ABCA2: variants seen among roughly 807,000 people sequenced by gnomAD.
The protein encoded by ABCA2 is ATP binding cassette subfamily A member 2, also known as ATP-binding cassette sub-family A member 2.
A neutral mutation model predicts 262.8 loss-of-function variants in ABCA2; 84 were observed. The observed-to-expected ratio is 0.32, with a 90% CI of 0.27 to 0.38. The LOEUF (loss-of-function observed/expected upper bound fraction) is 0.38, where lower values mean the gene tolerates loss of function less well. Ranked by LOEUF, ABCA2 falls within the 10% of genes least tolerant of loss-of-function variation. ABCA2 has a pLI of 1.00. For synonymous variants in ABCA2, 1,696 were observed against 1,502.9 expected, an observed-to-expected ratio of 1.13 and a Z score of -2.97; for missense variants, 2,662 against 3,405.9, an observed-to-expected ratio of 0.78 and a Z score of 5.44.
chr9:137,027,898 C>A, intron 1 of ABCA2, 177 bp downstream of exon 1: 1 of 167,354 alleles, frequency 6.0e-6, no homozygotes, highest in Non-Finnish European at 1.2e-5. Context: ...CCCCGGAGGC[C>A]GCAGCGCCGG....
rs1831426592 is a variant in ABCA2, at chr9:137,020,861, C to CCCACCCGCA, written c.1089_1097dup (p.Gly365_Ala367dup). 1 of 1,542,632 alleles carries CCCACCCGCA rather than the reference C, an allele frequency of 6.5e-7. No individual in the cohort carries two copies. The highest frequency in any genetic ancestry group is 8.8e-7 in the Non-Finnish European group (1 of 1,141,936). On this transcript the variant is annotated inframe_insertion, in exon 9 of 49. Transcript: ENST00000341511. Reference sequence around the variant, plus strand: ...CCCCTGCCCCAGTGCCATTGGCCGCCCCACCCGCACCACTGGCTGGGGGTC... The same window carrying CCCACCCGCA: ...CCCCTGCCCCAGTGCCATTGGCCGCCCCACCCGCACCACCCGCACCACTGGCTGGGGGTC...
chr9:137,014,131 C>A lies in ABCA2; in HGVS notation c.4240+37G>T, dbSNP rs752351057. 6.3e-6 allele frequency: 10 copies of A among 1,595,096 alleles called. No individual in the cohort carries two copies. The African/African-American group carries it at 9.4e-5, about 15-fold the overall frequency. On this transcript the variant is annotated intron_variant, in intron 27 of 48. Transcript: ENST00000341511. Reference sequence around the variant, plus strand: ...CCGCTCCCCCGCAACCCTGCTCCCCCTCCCTTGCTGTCCCAGCCTCACCCT... The same window carrying A: ...CCGCTCCCCCGCAACCCTGCTCCCCATCCCTTGCTGTCCCAGCCTCACCCT...
At chr9:137,009,293 C>G in intron 45 of ABCA2, 77 bp downstream of exon 45, 3 of 1,339,338 alleles carry the variant, frequency 2.2e-6, no homozygotes, top group Non-Finnish European at 3.0e-6. Flanking sequence ...CCTGCAGCCA[C>G]CCCCACTCCT....
At position 137,013,924 on chromosome 9, in the gene ABCA2, C is replaced by T. The variant is rs868304427; in HGVS notation, c.4355G>A (p.Arg1452His). The T allele has an allele frequency of 6.2e-6, 10 of 1,608,284 alleles. No homozygotes were observed. The highest frequency in any genetic ancestry group is 2.2e-5 in the East Asian group (1 of 44,584). ...GLLVKRFHCARRNSKALFSQI... is the reference protein window; with the variant it reads ...GLLVKRFHCAHRNSKALFSQI... ...GGAGAAGAGTGCCTTGGAGTTGCGG[C>T]GGGCGCAGTGGAAGCGTTTGACCAG... The change falls in exon 28 of 49, where the codon CGC (arginine) becomes CAC (histidine). Residue 1452 changes from arginine (R) to histidine (H), a missense_variant. This residue lies in a region of ABCA2 where 75 missense variants were observed against 118.3 expected (regional missense o/e 0.63). Transcript: ENST00000341511.
Position 137,011,145 on chromosome 9 carries a change from C to T in ABCA2, c.5924-40G>A, listed in dbSNP as rs752866866. The T allele has an allele frequency of 2.9e-5, 46 of 1,612,062 alleles. No homozygotes were observed. The highest frequency in any genetic ancestry group is 1.7e-4 in the Middle Eastern group (1 of 6,060). ...CTCAGGGCCTGTGCTCTGGGCCTTGCGGGGCCCCCACCGCCTTCCCCGCCC... is the reference window on the plus strand; with the variant it reads ...CTCAGGGCCTGTGCTCTGGGCCTTGTGGGGCCCCCACCGCCTTCCCCGCCC... On this transcript the variant is annotated intron_variant, in intron 38 of 48. Coordinates refer to ENST00000341511, the MANE Select transcript of ABCA2 (RefSeq NM_001606.5). The surrounding 1 kb of genome is among the most constrained non-coding windows in gnomAD (Gnocchi z 8.8).
intron 16 of ABCA2, 24 bp downstream of exon 16, chr9:137,017,763 C>T (rs1258156898): frequency 1.9e-6 from 3 of 1,611,508 alleles, no homozygotes. Flanking sequence ...CCCGCGCCTC[C>T]AGGGAGAGTC....
chr9:137,016,075 G>A lies in ABCA2; in HGVS notation c.3204C>T (p.Gly1068=), dbSNP rs2131447987. The change falls in exon 22 of 49, where the codon GGC becomes GGT. Residue 1068 remains glycine (G), a synonymous_variant. Transcript: ENST00000341511. ...TEMDEIRKNL[G]MCPQHNVLFD... ...AGAGCACATTGTGCTGCGGGCACAT[G>A]CCCAGGTTCTTGCGGATCTCATCCA... The A allele has an allele frequency of 6.2e-7, 1 of 1,612,860 alleles. No individual in the cohort carries two copies. The highest frequency in any genetic ancestry group is 8.5e-7 in the Non-Finnish European group (1 of 1,179,992).
chr9:137,009,621 G>A lies in ABCA2; in HGVS notation c.6654C>T (p.Asp2218=). The A allele has an allele frequency of 6.2e-7, 1 of 1,612,948 alleles. No homozygotes were observed. The highest frequency in any genetic ancestry group is 8.5e-7 in the Non-Finnish European group (1 of 1,179,900). The change falls in exon 44 of 49, where the codon GAC becomes GAT. Residue 2218 remains aspartate, a synonymous_variant. Transcript: ENST00000341511. ...TCCAGAGGAAGCGCCGGGCCTTGGG[G>A]TCCATGCCTGTGGTGGGCTCGTCCT... ...IFLDEPTTGM[D]PKARRFLWNL...
intron 48 of ABCA2, 137 bp downstream of exon 48, chr9:137,008,279 C>A: frequency 9.7e-7 from 1 of 1,027,090 alleles, no homozygotes. Flanking sequence ...TGTCCCTCGC[C>A]CACTCTGCCC....
intron 3 of ABCA2, 28 bp from the exon 4 acceptor site, chr9:137,023,080 T>C (rs1180094120): frequency 1.3e-6 from 2 of 1,529,764 alleles, no homozygotes; most frequent in East Asian, 4.8e-5. Context: ...GAGGGCAGGG[T>C]CGGGGGTGAA....
chr9:137,028,279 G>T, upstream of ABCA2: 2 of 977,782 alleles, frequency 2.0e-6, no homozygotes, highest in Non-Finnish European at 2.4e-6. This position sits in a 1 kb window ranked among gnomAD's most constrained non-coding sequence, Gnocchi z 6.9. Context: ...ATCCGCGCTG[G>T]CTCCGCCCCG....
In ABCA2 at chr9:137,009,527, G is replaced by C. The variant is rs369225845; in HGVS notation, c.6734+14C>G. ...TGGGGTGGGGGCACAAAGAGGGGGT[G>C]GGGGCGCCCTCACCTGTGTGATGTC... On this transcript the variant is annotated intron_variant, in intron 44 of 48. Transcript: ENST00000341511. 1.8e-5 allele frequency: 29 copies of C among 1,612,202 alleles called. No individual in the cohort carries two copies. Among genetic ancestry groups the C allele is most frequent in the Non-Finnish European group, 2.3e-5 (27 of 1,179,652 alleles).
At chr9:137,009,332 G>GGCCCCCCCCCCC in intron 45 of ABCA2, 38 bp downstream of exon 45, 2 of 980,410 alleles carry the variant, frequency 2.0e-6, no homozygotes, top group East Asian at 2.6e-5. Context: ...CCCCCCCCGG[G>GGCCCCCCCCCCC]CCCGCCCCAG....
Position 137,013,391 on chromosome 9 carries a change from G to A in ABCA2, c.4550+70C>T, listed in dbSNP as rs546506807. The A allele has an allele frequency of 8.7e-3, 9,408 of 1,077,772 alleles. 56 individuals are homozygous for A. Among genetic ancestry groups the A allele is most frequent in the Middle Eastern group, 0.012 (40 of 3,332 alleles). 66.8% of individuals were successfully genotyped at this position (1,077,772 alleles called of 1,614,324 possible). A position where few individuals can be genotyped will look rare whatever the true frequency, so the allele number is the denominator to read the frequency against. On this transcript the variant is annotated intron_variant, in intron 29 of 48. Transcript: ENST00000341511. ...GCCAGCCCCGCCCCCTCGCCCGCCT[G>A]GCCCACCAAGGCTGTCCCCGCCCCT...
In ABCA2 at chr9:137,017,954, C is replaced by G. The variant is rs764201601; in HGVS notation, c.2096+19G>C. 1.9e-6 allele frequency: 3 copies of G among 1,612,362 alleles called. No homozygotes were observed. Among genetic ancestry groups the G allele is most frequent in the Non-Finnish European group, 2.5e-6 (3 of 1,179,766 alleles). ...CTCAGCCCCAGCCCCAGCCCCAGCC[C>G]CGGGCGCCCAGCACTCACTCATCGC... On this transcript the variant is annotated intron_variant, in intron 15 of 48. Coordinates refer to ENST00000341511, the MANE Select transcript of ABCA2 (RefSeq NM_001606.5).
At chr9:137,018,660 C>T in intron 13 of ABCA2, 59 bp downstream of exon 13, 1 of 1,053,278 alleles carries the variant, frequency 9.5e-7, no homozygotes, top group Non-Finnish European at 1.2e-6. Context: ...ACGGGTGGGG[C>T]TGGGCTGGGG....
rs1191907745 is a variant in ABCA2 at position 137,021,623 on chromosome 9, C to A, written c.679-13G>T. 4 of 1,546,354 alleles carry A rather than the reference C, an allele frequency of 2.6e-6. No individual in the cohort carries two copies. The African/African-American group carries it at 5.5e-5, about 21-fold the overall frequency. ...CCAGCAGCAGCTCCTGGGATGGGCACAGGGGTCCGTGGAGCCACGGCAAGG... is the reference window on the plus strand; with the variant it reads ...CCAGCAGCAGCTCCTGGGATGGGCAAAGGGGTCCGTGGAGCCACGGCAAGG... On this transcript the variant is annotated splice_polypyrimidine_tract_variant and intron_variant, in intron 7 of 48. Transcript: ENST00000341511. This position sits in a 1 kb window ranked among gnomAD's most constrained non-coding sequence, Gnocchi z 6.0.
chr9:137,010,504 C>T, intron 40 of ABCA2, 116 bp downstream of exon 40: 2 of 1,471,248 alleles, frequency 1.4e-6, no homozygotes, highest in Non-Finnish European at 1.9e-6. Flanking sequence ...CCATGCAGGC[C>T]CCACCCCCAG....
chr9:137,008,223 G>T (rs1830900828), intron 48 of ABCA2, 193 bp downstream of exon 48: 3 of 827,378 alleles, frequency 3.6e-6, no homozygotes. Context: ...AAAGACTCTA[G>T]CAAGTCTGGA....
Sources: allele counts gnomAD v4.1 joint callset, GRCh38; gene constraint gnomAD v4.1.1; regional missense constraint gnomAD v4.1.1; non-coding constraint Gnocchi (gnomAD v3.1); transcripts MANE v1.5; gene names NCBI Gene and HGNC (gene_info 2026-07-23, HGNC 2026-07-21).